SOAT1: variants seen among roughly 807,000 people sequenced by gnomAD.
SOAT1 encodes acyl-coenzyme A:cholesterol acyltransferase 1.
A neutral mutation model predicts 69.5 loss-of-function variants in SOAT1; 55 were observed. The ratio of observed to expected loss-of-function variants is 0.79; its 90% CI spans 0.64 to 0.99. The LOEUF (loss-of-function observed/expected upper bound fraction) is 0.99. SOAT1 is among the 50% of genes least tolerant of loss of function. The pLI is 0.00. For missense variants in SOAT1, 580 were observed against 669.3 expected (o/e 0.87, Z 1.47); for synonymous variants, 231 against 224.7 (o/e 1.03, Z -0.25).
chr1:179,353,211 A>ATATATATTTATATATATT (rs1553248887), intron 15 of SOAT1, among the ~76,000 whole-genome samples: 1 of 64,522 alleles, frequency 1.5e-5, no homozygotes, highest in Non-Finnish European at 3.2e-5. Context: ...ATATATAAAT[A>ATATATATTTATATATATT]TATATATATA....
In SOAT1 at chr1:179,342,027, G is replaced by A; in HGVS notation, c.781-87G>A. Reference sequence around the variant, plus strand: ...CTTATCAGGATTTTCTGACTTTACTGGCTATCTATAATGCATTTGACTAAT... The same window carrying A: ...CTTATCAGGATTTTCTGACTTTACTAGCTATCTATAATGCATTTGACTAAT... On this transcript the variant is annotated intron_variant, in intron 7 of 15. Coordinates refer to ENST00000367619, the MANE Select transcript of SOAT1 (RefSeq NM_003101.6). The A allele has an allele frequency of 4.6e-6, 7 of 1,529,204 alleles. No homozygotes were observed. In the South Asian group the frequency reaches 7.7e-5, roughly 17 times the overall value. The allele number at this position is 1,529,204 out of a possible 1,614,324, so 94.7% of individuals were successfully genotyped here.
chr1:179,319,670 G>A (rs780479800), intron 2 of SOAT1, among the ~76,000 whole-genome samples: 25 of 152,096 alleles, frequency 1.6e-4, no homozygotes, highest in Admixed American at 5.2e-4. Context: ...AGGTTGGAGT[G>A]CAGTGGCACA....
chr1:179,340,819 T>TTA (rs1666306947), intron 6 of SOAT1, among the ~76,000 whole-genome samples: 1 of 26,168 alleles, frequency 3.8e-5, no homozygotes, highest in Non-Finnish European at 7.5e-5. Flanking sequence ...CATATATTGT[T>TTA]GATATATATA....
chr1:179,353,396 A>G (rs936174021), intron 15 of SOAT1, among the ~76,000 whole-genome samples, 189 bp from the exon 16 acceptor site: 1 of 150,478 alleles, frequency 6.6e-6, no homozygotes, highest in Non-Finnish European at 1.5e-5. Flanking sequence ...AATTGAATAA[A>G]TCTGTGTTAT....
intron 3 of SOAT1, among the ~76,000 whole-genome samples, chr1:179,326,000 G>A (rs140314822): frequency 1.4e-3 from 218 of 152,274 alleles, no homozygotes; most frequent in African/African-American, 5.1e-3. Context: ...TATTGTGCAG[G>A]TGACATAAGG....
chr1:179,326,066 C>A (rs185524812), intron 3 of SOAT1, among the ~76,000 whole-genome samples: 214 of 152,180 alleles, frequency 1.4e-3, no homozygotes, highest in African/African-American at 5.0e-3. Flanking sequence ...TTGGCCTGAA[C>A]AAAGGTAATG....
At chr1:179,336,952 G>A (rs1210946742) in intron 4 of SOAT1, among the ~76,000 whole-genome samples, 3 of 150,694 alleles carry the variant, frequency 2.0e-5, no homozygotes, top group Non-Finnish European at 4.4e-5. Context: ...CTGAGATCAC[G>A]CCACTGCACT....
intron 2 of SOAT1, among the ~76,000 whole-genome samples, chr1:179,315,787 A>G (rs891637794): frequency 2.0e-5 from 3 of 152,150 alleles, no homozygotes; most frequent in African/African-American, 7.2e-5. Flanking sequence ...TTTGGAAGGG[A>G]TGCACAAGTA....
At chr1:179,308,018 G>A (rs1171457484) in intron 2 of SOAT1, among the ~76,000 whole-genome samples, 1 of 152,020 alleles carries the variant, frequency 6.6e-6, no homozygotes. Context: ...TCAAACTCCC[G>A]ACCTCAGGTG....
At position 179,349,554 on chromosome 1, in the gene SOAT1, C is replaced by T. The variant is rs187004278; in HGVS notation, c.1314+612C>T. Among the ~76,000 whole-genome samples the T allele has an allele frequency of 2.0e-3, 297 of 152,102 alleles. 2 individuals carry two copies. Among genetic ancestry groups the T allele is most frequent in the African/African-American group, 6.7e-3 (280 of 41,490 alleles). ...GTTGGTCAGGCTCATCTTGAACTCCCGACCTTAGGTGATCCGCCCGCCTCA... is the reference window on the plus strand; with the variant it reads ...GTTGGTCAGGCTCATCTTGAACTCCTGACCTTAGGTGATCCGCCCGCCTCA... On this transcript the variant is annotated intron_variant, in intron 13 of 15. Coordinates refer to ENST00000367619, the MANE Select transcript of SOAT1 (RefSeq NM_003101.6).
chr1:179,306,545 A>T (rs917449377), intron 2 of SOAT1, among the ~76,000 whole-genome samples: 4 of 152,046 alleles, frequency 2.6e-5, no homozygotes, highest in Non-Finnish European at 5.9e-5. Context: ...AAGTAGCACC[A>T]CCAAAAGCCA....
Position 179,335,487 on chromosome 1 carries a change from C to T in SOAT1, c.178-19C>T, listed in dbSNP as rs778960610. The T allele has an allele frequency of 1.3e-6, 2 of 1,599,406 alleles. No homozygotes were observed. Among genetic ancestry groups the T allele is most frequent in the Admixed American group, 1.7e-5 (1 of 57,806 alleles). On this transcript the variant is annotated intron_variant, in intron 3 of 15. Transcript: ENST00000367619. ...GCATGTATTAGTTCCCCATCTTTTT[C>T]TTTGTTTTAAAATTCTAGGAATTGA...
rs149959393 is a variant in SOAT1 at position 179,326,208 on chromosome 1, C to T, written c.177+2713C>T. 6.6e-5 allele frequency among the ~76,000 whole-genome samples: 10 copies of T among 152,100 alleles called. 1 individual carries two copies. The East Asian group carries it at 1.9e-3, about 29-fold the overall frequency. On this transcript the variant is annotated intron_variant, in intron 3 of 15. Transcript: ENST00000367619. ...AAAGCATTTTTTCTCGACTTTTATG[C>T]CCTCCTTCATGTAGCTCTTTCTATC... is the stretch of plus-strand genomic sequence containing the variant.
rs1232691950 is a variant in SOAT1, at chr1:179,307,982, G to T, written c.118+5180G>T. Among the ~76,000 whole-genome samples, 3 of 152,092 alleles carry T rather than the reference G, an allele frequency of 2.0e-5. No homozygotes were observed. In the South Asian group the frequency reaches 6.2e-4, roughly 32 times the overall value. ...ATTTTGTGTTTTTAGTAGAAACGGG[G>T]TTTCTCCATGTTGGTCAGGCTGGTC... On this transcript the variant is annotated intron_variant, in intron 2 of 15. Transcript: ENST00000367619.
intron 1 of SOAT1, among the ~76,000 whole-genome samples, chr1:179,294,941 CT>C (rs5779018): frequency 0.3 from 44,760 of 148,084 alleles, 6,824 homozygotes; most frequent in African/African-American, 0.38. Context: ...CAATTTGAAG[CT>C]TTTTTTTTTT....
chr1:179,305,221 G>A (rs1480605881), intron 2 of SOAT1, among the ~76,000 whole-genome samples: 1 of 152,030 alleles, frequency 6.6e-6, no homozygotes, highest in African/African-American at 2.4e-5. Context: ...GTGGCTGCTT[G>A]CACTTAGCAT....
intron 1 of SOAT1, among the ~76,000 whole-genome samples, chr1:179,297,925 C>T (rs1192223421): frequency 6.6e-6 from 1 of 150,430 alleles, no homozygotes; most frequent in Non-Finnish European, 1.5e-5. Context: ...TCGCTTGAAT[C>T]CAGGAGGCGG....
intron 12 of SOAT1, among the ~76,000 whole-genome samples, chr1:179,348,319 C>A (rs1666602641): frequency 6.6e-6 from 1 of 152,070 alleles, no homozygotes; most frequent in Non-Finnish European, 1.5e-5. Context: ...ATTTTAGATA[C>A]CTGATTTCAT....
chr1:179,317,777 G>A (rs1177737704), intron 2 of SOAT1, among the ~76,000 whole-genome samples: 2 of 150,886 alleles, frequency 1.3e-5, no homozygotes, highest in African/African-American at 2.4e-5. Context: ...GATGTTTCTC[G>A]GTTCCCATAA....
Sources: allele counts gnomAD v4.1 joint callset (sites outside exome capture counted in the v4.1 genomes callset), GRCh38; gene constraint gnomAD v4.1.1; transcripts MANE v1.5; gene names NCBI Gene and HGNC (gene_info 2026-07-23, HGNC 2026-07-21).